The following MORC1 variants were observed in gnomAD, a reference collection of about 807,000 sequenced individuals.
MORC1 encodes MORC family CW-type zinc finger protein 1.
Under a neutral mutation model 134.9 loss-of-function variants are expected in MORC1, and 59 were observed. The observed-to-expected ratio is 0.44, with a 90% confidence interval of 0.35 to 0.54. The LOEUF is 0.54. MORC1 is among the 20% of genes least tolerant of loss of function. The pLI is 0.00. For missense variants in MORC1, 947 were observed against 1,134.5 expected (o/e 0.83, Z 2.37); for synonymous variants, 395 against 391.7 (o/e 1.01, Z -0.10).
At chr3:109,017,085 C>T (rs537503822) in intron 17 of MORC1, among the ~76,000 whole-genome samples, 3 of 152,104 alleles carry the variant, frequency 2.0e-5, no homozygotes, top group Non-Finnish European at 4.4e-5. Flanking sequence ...TTACCCATGG[C>T]GTCTATTTCT....
rs191840967 is a variant in MORC1 at position 108,977,803 on chromosome 3, G to C, written c.2477+1712C>G. On this transcript the variant is annotated intron_variant, in intron 24 of 27. Transcript: ENST00000232603. ...AATACAGGCAGAGGGTGGGAAACTA[G>C]TTAGAGAATCCCATTCTTTAGGGAT... Among the ~76,000 whole-genome samples the C allele has an allele frequency of 2.1e-3, 327 of 152,240 alleles. 1 individual carries two copies. Among genetic ancestry groups the C allele is most frequent in the African/African-American group, 7.5e-3 (312 of 41,540 alleles).
At chr3:108,999,868 T>C (rs912772395) in intron 21 of MORC1, among the ~76,000 whole-genome samples, 1 of 145,688 alleles carries the variant, frequency 6.9e-6, no homozygotes, top group Non-Finnish European at 1.6e-5. Context: ...GTAAATTACT[T>C]TTAGTGAGTT....
At chr3:109,005,760 TAC>T (rs1948523773) in intron 18 of MORC1, among the ~76,000 whole-genome samples, 1 of 152,230 alleles carries the variant, frequency 6.6e-6, no homozygotes, top group Non-Finnish European at 1.5e-5. Context: ...TGTTAGAGCC[TAC>T]TCTCTTTTGT....
intron 20 of MORC1, among the ~76,000 whole-genome samples, chr3:109,001,508 T>C (rs1449577326): frequency 1.3e-5 from 2 of 152,262 alleles, no homozygotes; most frequent in Admixed American, 6.5e-5. Flanking sequence ...AGACAATTTT[T>C]AGGCCTTTGG....
At chr3:109,073,590 A>G (rs1950364966) in intron 8 of MORC1, among the ~76,000 whole-genome samples, 1 of 152,190 alleles carries the variant, frequency 6.6e-6, no homozygotes, top group South Asian at 2.1e-4. Flanking sequence ...CATCTAGCCC[A>G]ACAACTGGGC....
Position 109,032,533 on chromosome 3 carries a change from A to G in MORC1, c.1565+187T>C, listed in dbSNP as rs577148330. Among the ~76,000 whole-genome samples the G allele has an allele frequency of 7.6e-4, 115 of 152,264 alleles. No individual in the cohort carries two copies. The Middle Eastern group carries it at 0.014, about 18-fold the overall frequency. On this transcript the variant is annotated intron_variant, in intron 16 of 27. Coordinates refer to ENST00000232603, the MANE Select transcript of MORC1 (RefSeq NM_014429.4). ...TTCAGATAGTTACACCCAGATTTCT[A>G]TTACTTGATGGAAAAGCACGCCAAT...
intron 14 of MORC1, among the ~76,000 whole-genome samples, chr3:109,036,251 C>T (rs1431774135): frequency 6.6e-6 from 1 of 152,022 alleles, no homozygotes. Flanking sequence ...GCATCAAGAT[C>T]TCCAAGTTAA....
chr3:109,043,186 T>G (rs1949598216), intron 14 of MORC1, among the ~76,000 whole-genome samples: 5 of 13,960 alleles, frequency 3.6e-4, no homozygotes, highest in Admixed American at 1.0e-3. Flanking sequence ...TGTGGCAAAA[T>G]GTGGGGGGGG....
rs1409337517 is a variant in MORC1, at chr3:109,112,424, TTCTCCTTCGTAAGA to T, written c.120-1655_120-1642del. Among the ~76,000 whole-genome samples, 8 of 152,362 alleles carry T rather than the reference TTCTCCTTCGTAAGA, an allele frequency of 5.3e-5. No individual in the cohort carries two copies. In the South Asian group the frequency reaches 1.7e-3, roughly 32 times the overall value. ...AGAATAACATGGGGACTTCATAAAG[TTCTCCTTCGTAAGA>T]CCAACTCAGTATCTTAAGTCTGTTA... is the stretch of plus-strand genomic sequence containing the variant. On this transcript the variant is annotated intron_variant, in intron 2 of 27. Coordinates refer to ENST00000232603, the MANE Select transcript of MORC1 (RefSeq NM_014429.4).
At position 109,062,048 on chromosome 3, in the gene MORC1, T is replaced by C; in HGVS notation, c.906A>G (p.Ile302Met). ...AEEAVKIAES[I>M]LKEAQIKVNQ... The stretch of plus-strand genomic sequence containing the variant: ...TTACTTTGATTTGTGCTTCTTTCAA[T>C]ATGGATTCAGCTGGAAGTAGAAGCC... The change falls in exon 11 of 28, where the codon ATA (isoleucine) becomes ATG (methionine). Residue 302 changes from isoleucine (I) to methionine (M), a missense_variant. Physicochemically the swap from Ile to Met is conservative, Grantham distance 10. Coordinates refer to ENST00000232603, the MANE Select transcript of MORC1 (RefSeq NM_014429.4). 3.7e-6 allele frequency: 6 copies of C among 1,614,022 alleles called. No homozygotes were observed. Among genetic ancestry groups the C allele is most frequent in the Non-Finnish European group, 4.2e-6 (5 of 1,179,948 alleles).
chr3:109,062,976 A>G lies in MORC1; in HGVS notation c.895+176T>C, dbSNP rs117734449. Among the ~76,000 whole-genome samples, 48 of 152,286 alleles carry G rather than the reference A, an allele frequency of 3.2e-4. No homozygotes were observed. The East Asian group carries it at 9.1e-3, about 29-fold the overall frequency. On this transcript the variant is annotated intron_variant, in intron 10 of 27. Coordinates refer to ENST00000232603, the MANE Select transcript of MORC1 (RefSeq NM_014429.4). ...TAATAATAATTAATATCATGAGTAA[A>G]CAAACTCAGAGATGGAAAGAATGTG...
chr3:109,111,908 T>C (rs1311864733), intron 2 of MORC1, among the ~76,000 whole-genome samples: 1 of 152,154 alleles, frequency 6.6e-6, no homozygotes, highest in Admixed American at 6.5e-5. Flanking sequence ...ATATAGACAC[T>C]CTGGAGTTAC....
At chr3:108,970,694 G>A (rs1947353295) in intron 25 of MORC1, among the ~76,000 whole-genome samples, 1 of 152,180 alleles carries the variant, frequency 6.6e-6, no homozygotes. Flanking sequence ...TCCTGCACTA[G>A]GCAGCTCTTC....
chr3:108,980,450 C>A (rs1383056587), intron 23 of MORC1, among the ~76,000 whole-genome samples: 4 of 152,110 alleles, frequency 2.6e-5, no homozygotes, highest in Non-Finnish European at 5.9e-5. Context: ...GCATGGGGAC[C>A]CACACACCTG....
In MORC1 at chr3:109,027,798, C is replaced by G. The variant is rs1330830732; in HGVS notation, c.1657G>C (p.Glu553Gln). 3 of 1,613,768 alleles carry G rather than the reference C, an allele frequency of 1.9e-6. No homozygotes were observed. The African/African-American group carries it at 4.0e-5, about 22-fold the overall frequency. ...CTATTTTGATACTTTATGACCGACT[C>G]TCTAAGTTGCTTCTCTTTCTCATTT... Reference protein sequence around the residue: ...SKNEKEKQLRESVIKYQNRLA... With the variant: ...SKNEKEKQLRQSVIKYQNRLA... The change falls in exon 17 of 28, where the codon GAG becomes CAG. Residue 553 changes from glutamate to glutamine, a missense_variant. By Grantham distance (29) the Glu-to-Gln change is conservative. This residue lies in a region of MORC1 where 722 missense variants were observed against 817.0 expected (regional missense o/e 0.88). Coordinates refer to ENST00000232603, the MANE Select transcript of MORC1 (RefSeq NM_014429.4).
At chr3:109,026,759 A>T (rs1417711240) in intron 17 of MORC1, among the ~76,000 whole-genome samples, 1 of 152,220 alleles carries the variant, frequency 6.6e-6, no homozygotes, top group Non-Finnish European at 1.5e-5. Context: ...AAGGCCTTAA[A>T]AACTGTAGAA....
intron 26 of MORC1, among the ~76,000 whole-genome samples, chr3:108,965,558 T>C (rs1262217603): frequency 6.6e-6 from 1 of 152,188 alleles, no homozygotes; most frequent in Non-Finnish European, 1.5e-5. Context: ...ATTATGGTAA[T>C]GAGAATTCTG....
At chr3:109,093,345 C>G (rs951097110) in intron 8 of MORC1, 91 bp downstream of exon 8, 1 of 921,494 alleles carries the variant, frequency 1.1e-6, no homozygotes, top group African/African-American at 1.7e-5. Context: ...GTGCTAAAAC[C>G]CAGTGACCTC....
chr3:109,024,853 C>T (rs1694156531), intron 17 of MORC1, among the ~76,000 whole-genome samples: 1 of 152,120 alleles, frequency 6.6e-6, no homozygotes, highest in Admixed American at 6.6e-5. Context: ...CTGAATGGGG[C>T]CAATGATGGC....
Sources: allele counts gnomAD v4.1 joint callset (sites outside exome capture counted in the v4.1 genomes callset), GRCh38; gene constraint gnomAD v4.1.1; regional missense constraint gnomAD v4.1.1; transcripts MANE v1.5; gene names NCBI Gene and HGNC (gene_info 2026-07-23, HGNC 2026-07-21).